The following DERA variants were observed in gnomAD, a reference collection of about 807,000 sequenced individuals.
DERA encodes deoxyribose-phosphate aldolase.
Under a neutral mutation model 41.1 loss-of-function variants are expected in DERA, and 15 were observed. That is an observed-to-expected ratio of 0.37 (90% confidence interval 0.24 to 0.56). The LOEUF is 0.56. Ranked by LOEUF, DERA falls within the 20% of genes least tolerant of loss-of-function variation. The pLI, the probability that DERA is intolerant of heterozygous loss-of-function variation, is 0.81. For missense variants in DERA, 396 were observed against 403.4 expected, an observed-to-expected ratio of 0.98 and a Z score of 0.16; for synonymous variants, 139 against 137.4, an observed-to-expected ratio of 1.01 and a Z score of -0.08.
intron 6 of DERA, among the ~76,000 whole-genome samples, chr12:16,024,661 A>AGCTGTAATCCACTCTTATTAC (rs548776120): frequency 7.2e-5 from 11 of 152,312 alleles, no homozygotes; most frequent in East Asian, 5.8e-4. Context: ...TAGCTCTGTC[A>AGCTGTAATCCACTCTTATTAC]GCTGTAATCC....
At position 15,936,850 on chromosome 12, in the gene DERA, G is replaced by GTTGTCTTGTCTTGTC. The variant is rs71438362; in HGVS notation, c.32-20060_32-20046dup. 7.8e-4 allele frequency among the ~76,000 whole-genome samples: 101 copies of GTTGTCTTGTCTTGTC among 129,506 alleles called. 1 individual carries two copies. The highest frequency in any genetic ancestry group is 1.9e-3 in the African/African-American group (65 of 34,086). 85.0% of individuals were successfully genotyped at this position (129,506 alleles called of 152,430 possible). A position where few individuals can be genotyped will look rare whatever the true frequency, so the allele number is the denominator to read the frequency against. On this transcript the variant is annotated intron_variant, in intron 1 of 8. Coordinates refer to ENST00000428559, the MANE Select transcript of DERA (RefSeq NM_015954.4). This position sits in a 1 kb window ranked among gnomAD's most constrained non-coding sequence, Gnocchi z 4.6. ...CTTATTTCTGCATCTTCTGTCTTGT[G>GTTGTCTTGTCTTGTC]TTGTCTTGTCTTGTCTTGTCTTGTC...
In DERA at chr12:15,965,708, AC is replaced by A. The variant is rs895008780; in HGVS notation, c.508+2764del. 2.1e-4 allele frequency among the ~76,000 whole-genome samples: 32 copies of A among 152,040 alleles called. No individual in the cohort carries two copies. Among genetic ancestry groups the A allele is most frequent in the African/African-American group, 7.5e-4 (31 of 41,456 alleles). ...CTTTCCTGAAATTTCTAACTTTTCC[AC>A]CCTCCTTGAAGCTCCTTCACTGTTA... On this transcript the variant is annotated intron_variant, in intron 5 of 8. Coordinates refer to ENST00000428559, the MANE Select transcript of DERA (RefSeq NM_015954.4). This position sits in a 1 kb window ranked among gnomAD's most constrained non-coding sequence, Gnocchi z 4.1.
intron 1 of DERA, among the ~76,000 whole-genome samples, chr12:15,956,041 T>C (rs896680261): frequency 1.3e-5 from 2 of 152,238 alleles, no homozygotes; most frequent in African/African-American, 4.8e-5. Flanking sequence ...AGTTGAAATA[T>C]GTGTACCAAA....
chr12:15,923,109 G>A (rs1210420554), intron 1 of DERA, among the ~76,000 whole-genome samples: 2 of 132,402 alleles, frequency 1.5e-5, no homozygotes, highest in Non-Finnish European at 3.1e-5. Flanking sequence ...TGCAAGCTCC[G>A]CCTCCCGGGT....
chr12:15,922,904 T>C lies in DERA; in HGVS notation c.31+11490T>C, dbSNP rs1948254323. Among the ~76,000 whole-genome samples the C allele has an allele frequency of 6.6e-6, 1 of 151,804 alleles. No homozygotes were observed. The highest frequency in any genetic ancestry group is 6.6e-5 in the Admixed American group (1 of 15,200). ...CCACTCTGGTGGGGGATGTTGATAA[T>C]GGGGGAGGCTATGCATGTGTGGGGC... is the stretch of plus-strand genomic sequence containing the variant. On this transcript the variant is annotated intron_variant, in intron 1 of 8. Coordinates refer to ENST00000428559, the MANE Select transcript of DERA (RefSeq NM_015954.4). This position sits in a 1 kb window ranked among gnomAD's most constrained non-coding sequence, Gnocchi z 4.9.
rs758445698 is a variant in DERA at position 16,036,664 on chromosome 12, T to C, written c.901-26T>C. ...ATGTGTATAATTATAGAATGATTGTTAATTAAACTCTGCTTTTCCTCACAG... is the reference window on the plus strand; with the variant it reads ...ATGTGTATAATTATAGAATGATTGTCAATTAAACTCTGCTTTTCCTCACAG... On this transcript the variant is annotated intron_variant, in intron 8 of 8. Coordinates refer to ENST00000428559, the MANE Select transcript of DERA (RefSeq NM_015954.4). The surrounding 1 kb of genome is among the most constrained non-coding windows in gnomAD (Gnocchi z 4.9). 6.5e-7 allele frequency: 1 copy of C among 1,537,184 alleles called. No individual in the cohort carries two copies. The highest frequency in any genetic ancestry group is 2.3e-5 in the East Asian group (1 of 44,134).
intron 1 of DERA, among the ~76,000 whole-genome samples, chr12:15,920,014 AAG>A (rs10538847): frequency 1.3e-5 from 2 of 149,978 alleles, no homozygotes; most frequent in African/African-American, 2.5e-5. Flanking sequence ...GTGAGAGAGA[AAG>A]AGAGAGAGAG....
intron 1 of DERA, chr12:15,956,507 A>C (rs1323642234): frequency 2.9e-6 from 1 of 344,568 alleles, no homozygotes; most frequent in African/African-American, 2.1e-5. Flanking sequence ...CAGATTCTGT[A>C]AGCCCCACCA....
chr12:15,951,995 A>C lies in DERA; in HGVS notation c.32-4941A>C, dbSNP rs191267097. ...CAGCTCACTGCAACCTCCGCCTCCCAGGTTCAAGCGATTCTTCTGCCTCAG... is the reference window on the plus strand; with the variant it reads ...CAGCTCACTGCAACCTCCGCCTCCCCGGTTCAAGCGATTCTTCTGCCTCAG... On this transcript the variant is annotated intron_variant, in intron 1 of 8. Transcript: ENST00000428559. Among the ~76,000 whole-genome samples the C allele has an allele frequency of 2.9e-3, 435 of 151,766 alleles. 1 individual carries two copies. The highest frequency in any genetic ancestry group is 0.01 in the African/African-American group (414 of 41,310).
At chr12:15,951,816 C>T (rs1374137404) in intron 1 of DERA, among the ~76,000 whole-genome samples, 4 of 152,102 alleles carry the variant, frequency 2.6e-5, no homozygotes, top group African/African-American at 4.8e-5. Context: ...TTAAAAAGCA[C>T]ACTGCTGTGC....
In DERA at chr12:15,915,445, T is replaced by G. The variant is rs1948192075; in HGVS notation, c.31+4031T>G. 6.6e-6 allele frequency among the ~76,000 whole-genome samples: 1 copy of G among 151,854 alleles called. No individual in the cohort carries two copies. The highest frequency in any genetic ancestry group is 1.5e-5 in the Non-Finnish European group (1 of 68,014). On this transcript the variant is annotated intron_variant, in intron 1 of 8. Coordinates refer to ENST00000428559, the MANE Select transcript of DERA (RefSeq NM_015954.4). This position sits in a 1 kb window ranked among gnomAD's most constrained non-coding sequence, Gnocchi z 4.8. ...AACGTTTAATTTTTGGAATGGATAT[T>G]TATTTATTTATTTGTTTATTTATTG...
In DERA at chr12:15,911,371, A is replaced by G. The variant is rs2136119177; in HGVS notation, c.-13A>G. 3 of 1,407,322 alleles carry G rather than the reference A, an allele frequency of 2.1e-6. No individual in the cohort carries two copies. Among genetic ancestry groups the G allele is most frequent in the South Asian group, 1.5e-5 (1 of 64,638 alleles). The allele number at this position is 1,407,322 out of a possible 1,614,324, so 87.2% of individuals were successfully genotyped here. A position where few individuals can be genotyped will look rare whatever the true frequency, so the allele number is the denominator to read the frequency against. Reference sequence around the variant, plus strand: ...GGCGCCTACCAGCCGGCAGCTCCGGAGCTGCCCGCGCCATGTCCGCGCACA... The same window carrying G: ...GGCGCCTACCAGCCGGCAGCTCCGGGGCTGCCCGCGCCATGTCCGCGCACA... On this transcript the variant is annotated 5_prime_UTR_variant, in exon 1 of 9. Transcript: ENST00000428559. The surrounding 1 kb of genome is among the most constrained non-coding windows in gnomAD (Gnocchi z 4.5).
intron 4 of DERA, among the ~76,000 whole-genome samples, chr12:15,961,749 AT>A (rs1189721135): frequency 6.6e-6 from 1 of 152,012 alleles, no homozygotes; most frequent in Admixed American, 6.6e-5. Context: ...AATTTTTTTA[AT>A]TTTTATTTTT....
intron 1 of DERA, among the ~76,000 whole-genome samples, chr12:15,948,898 T>G (rs1948473079): frequency 6.6e-6 from 1 of 152,210 alleles, no homozygotes; most frequent in African/African-American, 2.4e-5. Context: ...CCTTTCTGTT[T>G]GTTAGTTTTC....
chr12:15,920,849 C>A (rs1002296736), intron 1 of DERA, among the ~76,000 whole-genome samples: 8 of 152,148 alleles, frequency 5.3e-5, no homozygotes, highest in African/African-American at 1.9e-4. Flanking sequence ...CAAAAATACC[C>A]CCCCCAAAAA....
Position 15,982,063 on chromosome 12 carries a change from C to T in DERA, c.509-245C>T, listed in dbSNP as rs1948736134. ...ATGTCATTATGATATTTAAAAAGCT[C>T]TATGTCTCTGGACCTCAGGCCAGGG... On this transcript the variant is annotated intron_variant, in intron 5 of 8. Coordinates refer to ENST00000428559, the MANE Select transcript of DERA (RefSeq NM_015954.4). The surrounding 1 kb of genome is among the most constrained non-coding windows in gnomAD (Gnocchi z 4.0). Among the ~76,000 whole-genome samples, 1 of 152,180 alleles carries T rather than the reference C, an allele frequency of 6.6e-6. No individual in the cohort carries two copies. The highest frequency in any genetic ancestry group is 2.4e-5 in the African/African-American group (1 of 41,436).
Position 15,931,460 on chromosome 12 carries a change from C to G in DERA, c.31+20046C>G, listed in dbSNP as rs943492829. ...TTATCCAGCTTCTTGATGAATTTCT[C>G]TAAGGTGTAATGATTCTCTCTGTAA... On this transcript the variant is annotated intron_variant, in intron 1 of 8. Coordinates refer to ENST00000428559, the MANE Select transcript of DERA (RefSeq NM_015954.4). This position sits in a 1 kb window ranked among gnomAD's most constrained non-coding sequence, Gnocchi z 4.6. Among the ~76,000 whole-genome samples, 8 of 152,164 alleles carry G rather than the reference C, an allele frequency of 5.3e-5. No homozygotes were observed. Among genetic ancestry groups the G allele is most frequent in the African/African-American group, 1.9e-4 (8 of 41,426 alleles).
chr12:16,023,388 T>G (rs1427888970), intron 6 of DERA, among the ~76,000 whole-genome samples: 13 of 152,168 alleles, frequency 8.5e-5, no homozygotes, highest in Non-Finnish European at 4.4e-5. Flanking sequence ...GCCCATTTGT[T>G]TTTGTTCATG....
intron 6 of DERA, among the ~76,000 whole-genome samples, chr12:16,016,441 A>C (rs1386372906): frequency 2.0e-5 from 3 of 152,186 alleles, no homozygotes; most frequent in Admixed American, 2.0e-4. Flanking sequence ...TCTTGTAAAC[A>C]CTTGAATTAA....
Sources: gnomAD v4.1 joint callset for allele counts (sites outside exome capture counted in the v4.1 genomes callset) on GRCh38, gnomAD v4.1.1 for gene constraint, Gnocchi (gnomAD v3.1) non-coding constraint, MANE v1.5 for transcripts, NCBI Gene and HGNC (gene_info 2026-07-23, HGNC 2026-07-21) for gene names.